Variants in PRELID2 observed in about 807,000 individuals in gnomAD.
The protein encoded by PRELID2 is PRELI domain containing 2.
PRELID2 carries 25 observed loss-of-function variants against 28.4 expected under a neutral mutation model. The ratio of observed to expected loss-of-function variants is 0.88; its 90% CI spans 0.64 to 1.23. The LOEUF is 1.23. Among genes scored for constraint, PRELID2 ranks in the 50% most tolerant of loss-of-function variants. The pLI, the probability that PRELID2 is intolerant of heterozygous loss-of-function variation, is 0.00. For synonymous variants in PRELID2, 76 were observed against 71.6 expected (o/e 1.06, Z -0.31); for missense variants, 201 against 214.4 (o/e 0.94, Z 0.39).
chr5:145,419,178 T>C, the PRELID2 span, among the ~76,000 whole-genome samples: 16 of 150,884 alleles, frequency 1.1e-4, no homozygotes, highest in East Asian at 1.2e-3. Flanking sequence ...TGAATAATGC[T>C]GCAATAAGCA....
At chr5:145,345,272 C>A in the PRELID2 span, among the ~76,000 whole-genome samples, 1 of 151,934 alleles carries the variant, frequency 6.6e-6, no homozygotes, top group Non-Finnish European at 1.5e-5. Flanking sequence ...AATAGGACAG[C>A]CCCTCTCTTC....
At chr5:145,410,654 T>TG in the PRELID2 span, among the ~76,000 whole-genome samples, 1 of 152,024 alleles carries the variant, frequency 6.6e-6, no homozygotes, top group Non-Finnish European at 1.5e-5. Flanking sequence ...AAGAACAGCA[T>TG]GGGGGAAACT....
At position 145,813,629 on chromosome 5, in the gene PRELID2, T is replaced by C. The variant is rs185402278; in HGVS notation, c.368+4265A>G. ...TTAGCAATCTACTGACTGTATCACC[T>C]TGGGCAAGTTATTTAACCTAAGCCT... On this transcript the variant is annotated intron_variant, in intron 4 of 6. Transcript: ENST00000683046. Among the ~76,000 whole-genome samples, 6 of 152,304 alleles carry C rather than the reference T, an allele frequency of 3.9e-5. No homozygotes were observed. In the East Asian group the frequency reaches 7.7e-4, roughly 20 times the overall value.
intron 1 of PRELID2, among the ~76,000 whole-genome samples, chr5:145,824,169 G>C (rs1755014822): frequency 6.6e-6 from 1 of 152,102 alleles, no homozygotes; most frequent in African/African-American, 2.4e-5. Flanking sequence ...GGTAGCTGCT[G>C]ACCAAAGCCT....
intron 1 of PRELID2, among the ~76,000 whole-genome samples, chr5:145,542,076 A>G (rs1350253701): frequency 2.6e-5 from 4 of 152,076 alleles, no homozygotes; most frequent in African/African-American, 9.7e-5. Flanking sequence ...AAGGACATAT[A>G]CCAAGTGGGT....
chr5:145,711,894 A>G (rs190154952), intron 1 of PRELID2, among the ~76,000 whole-genome samples: 18 of 152,322 alleles, frequency 1.2e-4, no homozygotes, highest in Admixed American at 9.1e-4. Flanking sequence ...TGACCCAGTA[A>G]GTTGGCAGCC....
At chr5:145,659,890 T>C (rs1234698441) in intron 1 of PRELID2, among the ~76,000 whole-genome samples, 1 of 152,150 alleles carries the variant, frequency 6.6e-6, no homozygotes, top group Non-Finnish European at 1.5e-5. Context: ...GGTGAGTCTA[T>C]GTGGGAAGGG....
At chr5:145,253,548 A>G in the PRELID2 span, among the ~76,000 whole-genome samples, 1 of 152,024 alleles carries the variant, frequency 6.6e-6, no homozygotes, top group Non-Finnish European at 1.5e-5. Context: ...ATGGAAATAC[A>G]AAACTCTCAT....
the PRELID2 span, among the ~76,000 whole-genome samples, chr5:145,394,116 A>G: frequency 6.6e-6 from 1 of 152,148 alleles, no homozygotes; most frequent in African/African-American, 2.4e-5. Flanking sequence ...ATGCTGCTAT[A>G]AAGACACATG....
the PRELID2 span, among the ~76,000 whole-genome samples, chr5:145,435,176 TATAA>T: frequency 2.0e-5 from 3 of 152,134 alleles, no homozygotes; most frequent in Non-Finnish European, 4.4e-5. Flanking sequence ...CAAATAAACT[TATAA>T]ATAAAGATGA....
the PRELID2 span, among the ~76,000 whole-genome samples, chr5:145,326,993 AAAAGACACAGTCACAAACG>A: frequency 4.4e-5 from 2 of 45,300 alleles, no homozygotes; most frequent in Non-Finnish European, 9.1e-5. Flanking sequence ...AACGCCTCCC[AAAAGACACAGTCACAAACG>A]CCATAATCTT....
chr5:145,381,979 G>GA, the PRELID2 span, among the ~76,000 whole-genome samples: 35 of 149,414 alleles, frequency 2.3e-4, no homozygotes, highest in African/African-American at 7.6e-4. Flanking sequence ...TAATTTAGCA[G>GA]AAAAAATGAC....
chr5:145,447,998 G>T, the PRELID2 span, among the ~76,000 whole-genome samples: 3 of 152,034 alleles, frequency 2.0e-5, no homozygotes, highest in African/African-American at 7.2e-5. Context: ...GTAATGGGAT[G>T]GCTGGGTCAA....
At chr5:145,588,691 C>T (rs2149629418) in intron 1 of PRELID2, among the ~76,000 whole-genome samples, 1 of 152,190 alleles carries the variant, frequency 6.6e-6, no homozygotes, top group South Asian at 2.1e-4. Flanking sequence ...TTTACCCTTG[C>T]TCACAATTAC....
At chr5:145,780,790 G>A (rs1751530649) in intron 5 of PRELID2, among the ~76,000 whole-genome samples, 1 of 152,058 alleles carries the variant, frequency 6.6e-6, no homozygotes, top group Non-Finnish European at 1.5e-5. Flanking sequence ...CCTGATTGAG[G>A]AAATTTTAAT....
At chr5:145,237,242 TAA>T in the PRELID2 span, among the ~76,000 whole-genome samples, 1 of 152,178 alleles carries the variant, frequency 6.6e-6, no homozygotes, top group Non-Finnish European at 1.5e-5. Flanking sequence ...ACTGTTATTC[TAA>T]GTCACCAAGA....
chr5:145,509,776 A>T (rs760907097), intron 1 of PRELID2, among the ~76,000 whole-genome samples: 2 of 152,178 alleles, frequency 1.3e-5, no homozygotes, highest in Non-Finnish European at 2.9e-5. Flanking sequence ...AATATTGAGG[A>T]AATGGTTGCT....
chr5:145,399,537 C>T, the PRELID2 span, among the ~76,000 whole-genome samples: 1 of 152,044 alleles, frequency 6.6e-6, no homozygotes, highest in African/African-American at 2.4e-5. Context: ...TAAATACCTC[C>T]TTTTATCAGC....
At chr5:145,558,898 C>G (rs1284998259) in intron 1 of PRELID2, among the ~76,000 whole-genome samples, 5 of 152,102 alleles carry the variant, frequency 3.3e-5, no homozygotes, top group African/African-American at 1.2e-4. Context: ...ATCCAGCAAA[C>G]CAACTCCTAA....
Sources: allele counts gnomAD v4.1 joint callset (sites outside exome capture counted in the v4.1 genomes callset), GRCh38; gene constraint gnomAD v4.1.1; transcripts MANE v1.5; gene names NCBI Gene and HGNC (gene_info 2026-07-23, HGNC 2026-07-21).